The following PRDM2 variants were observed in gnomAD, a reference collection of about 807,000 sequenced individuals.
PRDM2 encodes the protein PR domain zinc finger protein 2.
Under a neutral mutation model 130.0 loss-of-function variants are expected in PRDM2, and 30 were observed. That is an observed-to-expected ratio of 0.23 (90% CI 0.17 to 0.31). The LOEUF is 0.31. Among genes scored for constraint, PRDM2 ranks in the 10% least tolerant of loss-of-function variants. The pLI, the probability that PRDM2 is intolerant of heterozygous loss-of-function variation, is 1.00. For synonymous variants in PRDM2, 871 were observed against 782.4 expected (o/e 1.11, Z -1.89); for missense variants, 2,011 against 2,108.4 (o/e 0.95, Z 0.90).
At chr1:13,745,017 T>G (rs1643560915) in intron 5 of PRDM2, among the ~76,000 whole-genome samples, 1 of 152,204 alleles carries the variant, frequency 6.6e-6, no homozygotes, top group African/African-American at 2.4e-5. Flanking sequence ...TTCCTGAAAG[T>G]TAGCTGTTAA....
chr1:13,770,564 G>A (rs1052271022), intron 6 of PRDM2, among the ~76,000 whole-genome samples: 2 of 151,540 alleles, frequency 1.3e-5, no homozygotes, highest in Non-Finnish European at 1.5e-5. Flanking sequence ...AATTGACATC[G>A]GTTTTTCTAT....
chr1:13,719,809 C>T (rs2100430208), intron 2 of PRDM2, among the ~76,000 whole-genome samples: 1 of 152,050 alleles, frequency 6.6e-6, no homozygotes, highest in South Asian at 2.1e-4. Context: ...ATCGTTTGTT[C>T]CAGCATAGTA....
intron 8 of PRDM2, among the ~76,000 whole-genome samples, chr1:13,786,230 G>C (rs921624353): frequency 6.6e-6 from 1 of 151,506 alleles, no homozygotes; most frequent in Non-Finnish European, 1.5e-5. Flanking sequence ...GAAGCAAAAT[G>C]AAATTCTAGA....
Position 13,800,598 on chromosome 1 carries a change from C to T in PRDM2, c.5037-15829C>T, listed in dbSNP as rs762775593. Among the ~76,000 whole-genome samples the T allele has an allele frequency of 3.3e-5, 5 of 152,156 alleles. 1 individual carries two copies. The highest frequency in any genetic ancestry group is 2.1e-4 in the South Asian group (1 of 4,832). The stretch of plus-strand genomic sequence containing the variant: ...GAGAAGGGCTGCCAGGAGGCATATG[C>T]GCTGGGAGCCCACCGGAGTTTTGGG... On this transcript the variant is annotated intron_variant, in intron 8 of 9. Coordinates refer to ENST00000311066, the MANE Select transcript of PRDM2 (RefSeq NM_001393986.1).
chr1:13,805,423 G>A (rs1055396982), intron 8 of PRDM2, among the ~76,000 whole-genome samples: 3 of 152,076 alleles, frequency 2.0e-5, no homozygotes, highest in Non-Finnish European at 2.9e-5. Flanking sequence ...GGCTTCATTT[G>A]AATGGGCAGG....
At chr1:13,718,068 T>G (rs565732574) in intron 2 of PRDM2, among the ~76,000 whole-genome samples, 1 of 152,254 alleles carries the variant, frequency 6.6e-6, no homozygotes, top group Non-Finnish European at 1.5e-5. Flanking sequence ...CAGTTTTCCC[T>G]TCTCGTATTT....
chr1:13,757,750 C>A (rs1643992229), intron 6 of PRDM2, among the ~76,000 whole-genome samples: 1 of 146,574 alleles, frequency 6.8e-6, no homozygotes, highest in South Asian at 2.2e-4. Context: ...TTTGTTTTGC[C>A]AAAATGTTTA....
Position 13,786,229 on chromosome 1 carries a change from T to A in PRDM2, c.5036+3398T>A, listed in dbSNP as rs558488225. Among the ~76,000 whole-genome samples the A allele has an allele frequency of 2.0e-5, 3 of 151,842 alleles. No homozygotes were observed. The East Asian group carries it at 5.8e-4, about 30-fold the overall frequency. ...TCAAGAAAAAGGTAGAGAAGCAAAA[T>A]GAAATTCTAGACCAAGTTTTTCCAT... is the stretch of plus-strand genomic sequence containing the variant. On this transcript the variant is annotated intron_variant, in intron 8 of 9. Transcript: ENST00000311066.
At chr1:13,725,261 G>A (rs1475917199) in intron 2 of PRDM2, among the ~76,000 whole-genome samples, 1 of 152,222 alleles carries the variant, frequency 6.6e-6, no homozygotes, top group Non-Finnish European at 1.5e-5. Flanking sequence ...CTGGAGTGCA[G>A]TGGCATAACC....
At chr1:13,775,225 G>C (rs1329020847) in intron 7 of PRDM2, among the ~76,000 whole-genome samples, 2 of 152,238 alleles carry the variant, frequency 1.3e-5, no homozygotes, top group East Asian at 3.8e-4. Flanking sequence ...GCAGACTTCG[G>C]TTTATGTTAC....
Position 13,771,823 on chromosome 1 carries a change from AT to A in PRDM2, c.512-1250del, listed in dbSNP as rs1356021565. On this transcript the variant is annotated intron_variant, in intron 6 of 9. Coordinates refer to ENST00000311066, the MANE Select transcript of PRDM2 (RefSeq NM_001393986.1). This position sits in a 1 kb window ranked among gnomAD's most constrained non-coding sequence, Gnocchi z 4.1. ...AATGACTGTTAAGGTTATGTCTCAA[AT>A]TTTTGTCAAAATCTGGTGGTGTTTT... 4 of 152,178 alleles carry A rather than the reference AT, an allele frequency of 2.6e-5. No homozygotes were observed. The highest frequency in any genetic ancestry group is 1.5e-5 in the Non-Finnish European group (1 of 68,030). 9.4% of individuals were successfully genotyped at this position (152,178 alleles called of 1,614,324 possible).
intron 1 of PRDM2, among the ~76,000 whole-genome samples, chr1:13,706,652 G>GT (rs1371057520): frequency 2.0e-5 from 3 of 151,912 alleles, no homozygotes; most frequent in African/African-American, 7.2e-5. Context: ...GAGTTGCACT[G>GT]TTTTGCAGAC....
intron 1 of PRDM2, among the ~76,000 whole-genome samples, chr1:13,711,390 C>CT (rs1642367005): frequency 1.3e-5 from 2 of 151,754 alleles, no homozygotes; most frequent in African/African-American, 4.9e-5. Context: ...CTTTAGTATT[C>CT]TATTGCAGCT....
At chr1:13,788,026 G>T (rs1490233549) in intron 8 of PRDM2, 1 of 981,286 alleles carries the variant, frequency 1.0e-6, no homozygotes, top group African/African-American at 1.8e-5. Flanking sequence ...AACTAGAGGA[G>T]AATTTAAACA....
intron 2 of PRDM2, among the ~76,000 whole-genome samples, chr1:13,721,504 C>T (rs940595003): frequency 1.3e-5 from 2 of 151,698 alleles, no homozygotes; most frequent in Non-Finnish European, 2.9e-5. Context: ...TGACTTAAAC[C>T]TCAACTAATA....
rs560161648 is a variant in PRDM2 at position 13,728,476 on chromosome 1, G to A, written c.10-2524G>A. The stretch of plus-strand genomic sequence containing the variant: ...CTAGGCAGTTTGCAGCCATAGCCAC[G>A]GCCATGGAGAGTCCAGCGGGGCTGT... On this transcript the variant is annotated intron_variant, in intron 2 of 9. Transcript: ENST00000311066. Among the ~76,000 whole-genome samples, 177 of 152,282 alleles carry A rather than the reference G, an allele frequency of 1.2e-3. 3 individuals carry two copies. In the South Asian group the frequency reaches 0.036, roughly 31 times the overall value.
rs1332694214 is a variant in PRDM2, at chr1:13,749,422, C to T, written c.446C>T (p.Ala149Val). The T allele has an allele frequency of 1.3e-6, 2 of 1,512,566 alleles. No individual in the cohort carries two copies. Among genetic ancestry groups the T allele is most frequent in the South Asian group, 2.3e-5 (2 of 88,268 alleles). 93.7% of individuals were successfully genotyped at this position (1,512,566 alleles called of 1,614,324 possible). A position where few individuals can be genotyped will look rare whatever the true frequency, so the allele number is the denominator to read the frequency against. The part of the protein sequence containing the change: ...WYNGEDNPEI[A>V]AAIEEERASA... ...AATGGGGAAGACAACCCTGAGATAG[C>T]AGCTGCGATTGAGGAAGAGCGAGCC... is the stretch of plus-strand genomic sequence containing the variant. Residue 149 changes from alanine to valine, a missense_variant, in exon 6 of 10, where the codon GCA becomes GTA. By Grantham distance (64) the Ala-to-Val change is moderately conservative. Transcript: ENST00000311066.
At chr1:13,735,969 C>G (rs977170706) in intron 4 of PRDM2, among the ~76,000 whole-genome samples, 1 of 152,198 alleles carries the variant, frequency 6.6e-6, no homozygotes, top group African/African-American at 2.4e-5. Flanking sequence ...CTCACACATA[C>G]ACTGGTACAT....
intron 9 of PRDM2, 92 bp downstream of exon 9, chr1:13,816,662 G>A (rs1280792971): frequency 5.4e-6 from 8 of 1,476,770 alleles, no homozygotes; most frequent in African/African-American, 2.8e-5. Flanking sequence ...AGGAGAGAAA[G>A]CAGTGGGTGT....
Sources: allele counts gnomAD v4.1 joint callset (sites outside exome capture counted in the v4.1 genomes callset), GRCh38; gene constraint gnomAD v4.1.1; non-coding constraint Gnocchi (gnomAD v3.1); transcripts MANE v1.5; gene names NCBI Gene and HGNC (gene_info 2026-07-23, HGNC 2026-07-21).